Variants in CDK18 observed in about 807,000 individuals in gnomAD.
The protein encoded by CDK18 is cyclin-dependent kinase 18.
Under a neutral mutation model 62.0 loss-of-function variants are expected in CDK18, and 52 were observed. The observed-to-expected ratio is 0.84, with a 90% confidence interval of 0.67 to 1.06. The LOEUF (loss-of-function observed/expected upper bound fraction) is 1.06, where lower values mean the gene tolerates loss of function less well. Ranked by LOEUF, CDK18 falls within the 50% of genes least tolerant of loss-of-function variation. The probability of loss-of-function intolerance (pLI) is 0.00; values close to 1 mark genes in which losing one functional copy is unlikely to be tolerated. For missense variants in CDK18, 604 were observed against 619.9 expected (o/e 0.97, Z 0.27); for synonymous variants, 237 against 247.0 (o/e 0.96, Z 0.38).
Position 205,511,570 on chromosome 1 carries a change from A to G in CDK18, c.-22+6774A>G, listed in dbSNP as rs146040037. ...TATGGAAATATTAGAAGATGCAGAT[A>G]AGCAAAAAGAAGACATTAAAATCAC... On this transcript the variant is annotated intron_variant, in intron 1 of 15. Coordinates refer to ENST00000429964, the MANE Select transcript of CDK18 (RefSeq NM_212502.3). Among the ~76,000 whole-genome samples the G allele has an allele frequency of 1.2e-4, 19 of 152,374 alleles. 2 individuals are homozygous for G. The East Asian group carries it at 3.7e-3, about 29-fold the overall frequency.
At chr1:205,513,877 G>A (rs887557630) in intron 1 of CDK18, among the ~76,000 whole-genome samples, 1 of 152,250 alleles carries the variant, frequency 6.6e-6, no homozygotes, top group Non-Finnish European at 1.5e-5. Flanking sequence ...CACTGGGGGA[G>A]TAATTGCTGG....
chr1:205,514,533 C>A (rs1233827229), intron 1 of CDK18, among the ~76,000 whole-genome samples: 1 of 152,146 alleles, frequency 6.6e-6, no homozygotes, highest in Non-Finnish European at 1.5e-5. Context: ...CCTGGCCTGC[C>A]TGAAAGTGGA....
chr1:205,523,201 CGTTTCTCCCTGTCAGTGCCCCGCACT>C lies in CDK18; in HGVS notation c.36_61del (p.Phe13AspfsTer3), dbSNP rs1558777600. The stretch of plus-strand genomic sequence containing the variant: ...GAACAAGATGAAGAACTTTAAGCGC[CGTTTCTCCCTGTCAGTGCCCCGCACT>C]GAGACCATTGAAGAATCCTTGGCTG... On this transcript the variant is annotated frameshift_variant, in exon 2 of 16. Transcript: ENST00000429964. LOFTEE classifies it high-confidence loss of function. 6.2e-7 allele frequency: 1 copy of C among 1,613,628 alleles called. No homozygotes were observed. Among genetic ancestry groups the C allele is most frequent in the Admixed American group, 1.7e-5 (1 of 59,978 alleles).
chr1:205,522,993 G>GT, intron 1 of CDK18, 154 bp from the exon 2 acceptor site: 3 of 729,818 alleles, frequency 4.1e-6, no homozygotes, highest in East Asian at 2.7e-5. Flanking sequence ...ACCCTCAGAG[G>GT]GGTCAAACTT....
In CDK18 at chr1:205,531,434, G is replaced by A. The variant is rs756079341; in HGVS notation, c.*56G>A. On this transcript the variant is annotated 3_prime_UTR_variant, in exon 16 of 16. Transcript: ENST00000429964. The stretch of plus-strand genomic sequence containing the variant: ...AAGAGATCACATGGAGCACAAATTC[G>A]GGTAGGATGGAGCCTGTGTGGCCCT... 27 of 1,526,058 alleles carry A rather than the reference G, an allele frequency of 1.8e-5. No homozygotes were observed. Among genetic ancestry groups the A allele is most frequent in the Middle Eastern group, 3.4e-4 (2 of 5,936 alleles). 94.5% of individuals were successfully genotyped at this position (1,526,058 alleles called of 1,614,324 possible). A position where few individuals can be genotyped will look rare whatever the true frequency, so the allele number is the denominator to read the frequency against.
intron 1 of CDK18, among the ~76,000 whole-genome samples, chr1:205,510,025 A>T (rs1667491670): frequency 6.6e-6 from 1 of 151,950 alleles, no homozygotes. Flanking sequence ...GGTTGCAGTG[A>T]GCCAGGATTG....
intron 1 of CDK18, 41 bp from the exon 2 acceptor site, chr1:205,523,101 GTTGCC>G: frequency 7.1e-6 from 11 of 1,547,996 alleles, no homozygotes; most frequent in Non-Finnish European, 9.6e-6. Flanking sequence ...ACCTGGACTG[GTTGCC>G]TTGTTCTTTT....
At position 205,523,516 on chromosome 1, in the gene CDK18, C is replaced by G. The variant is rs755913151; in HGVS notation, c.164C>G (p.Pro55Arg). Residue 55 changes from proline to arginine, a missense_variant, in exon 3 of 16, where the codon CCG becomes CGG. Coordinates refer to ENST00000429964, the MANE Select transcript of CDK18 (RefSeq NM_212502.3). ...LQLGPLGRDP[P>R]QECSTFSPTD... ...CTCGGTCCTCTTGGCAGAGACCCCC[C>G]GCAGGAGTGCAGCACCTTCTCCCCA... 8 of 1,605,666 alleles carry G rather than the reference C, an allele frequency of 5.0e-6. No homozygotes were observed. The highest frequency in any genetic ancestry group is 6.8e-6 in the Non-Finnish European group (8 of 1,176,618).
chr1:205,505,822 G>C (rs1667278936), intron 1 of CDK18, among the ~76,000 whole-genome samples: 1 of 152,136 alleles, frequency 6.6e-6, no homozygotes, highest in Non-Finnish European at 1.5e-5. Context: ...GGCAGTCGGG[G>C]TGGGAGGATT....
intron 4 of CDK18, 66 bp from the exon 5 acceptor site, chr1:205,525,073 A>C (rs1288800953): frequency 2.0e-6 from 2 of 1,024,794 alleles, no homozygotes; most frequent in Admixed American, 3.8e-5. Context: ...GAGTTGGGGG[A>C]GGCGTCATGT....
At chr1:205,526,282 T>C in intron 6 of CDK18, 85 bp from the exon 7 acceptor site, 1 of 1,462,282 alleles carries the variant, frequency 6.8e-7, no homozygotes. Context: ...ATTGCTGGAA[T>C]GGGACTCCTG....
intron 1 of CDK18, among the ~76,000 whole-genome samples, chr1:205,518,267 C>G (rs1055696668): frequency 1.3e-5 from 2 of 152,186 alleles, no homozygotes; most frequent in African/African-American, 4.8e-5. Flanking sequence ...GTCCGCACCC[C>G]CCTACCCCTG....
chr1:205,515,915 A>G (rs1159821141), intron 1 of CDK18, among the ~76,000 whole-genome samples: 1 of 152,202 alleles, frequency 6.6e-6, no homozygotes, highest in East Asian at 1.9e-4. Context: ...TGTCCAGAGC[A>G]TCTGTTTGTT....
chr1:205,519,795 G>A (rs1668023021), intron 1 of CDK18, among the ~76,000 whole-genome samples: 1 of 152,004 alleles, frequency 6.6e-6, no homozygotes, highest in Non-Finnish European at 1.5e-5. Context: ...AGAAATGGGG[G>A]GCCTCCTTCC....
chr1:205,510,433 A>G (rs1379173770), intron 1 of CDK18, among the ~76,000 whole-genome samples: 3 of 152,118 alleles, frequency 2.0e-5, no homozygotes, highest in Non-Finnish European at 4.4e-5. Flanking sequence ...TGCCTGCAAC[A>G]TGGGATGAGC....
At chr1:205,518,276 T>A (rs1490775164) in intron 1 of CDK18, among the ~76,000 whole-genome samples, 1 of 152,176 alleles carries the variant, frequency 6.6e-6, no homozygotes. Flanking sequence ...CCCCTACCCC[T>A]GTTAGAAAGT....
At chr1:205,525,443 T>C (rs1277332657) in intron 5 of CDK18, among the ~76,000 whole-genome samples, 1 of 152,132 alleles carries the variant, frequency 6.6e-6, no homozygotes, top group Admixed American at 6.5e-5. Flanking sequence ...ATCCAGTCTT[T>C]TTTTTTTCTG....
At chr1:205,526,937 T>G (rs1575074537) in intron 8 of CDK18, 100 bp downstream of exon 8, 1 of 962,128 alleles carries the variant, frequency 1.0e-6, no homozygotes, top group Non-Finnish European at 1.7e-6. Context: ...GCTGCTGAGG[T>G]GGCTCAGACC....
At position 205,527,484 on chromosome 1, in the gene CDK18, GAAAA is replaced by G; in HGVS notation, c.730-297_730-294del. 60 of 189,338 alleles carry G rather than the reference GAAAA, an allele frequency of 3.2e-4. No individual in the cohort carries two copies. Among genetic ancestry groups the G allele is most frequent in the Non-Finnish European group, 4.3e-4 (42 of 97,808 alleles). The allele number at this position is 189,338 out of a possible 1,614,324, so 11.7% of individuals were successfully genotyped here. On this transcript the variant is annotated intron_variant, in intron 8 of 15. Transcript: ENST00000429964. The surrounding 1 kb of genome is among the most constrained non-coding windows in gnomAD (Gnocchi z 4.1). ...ACAGAGTAAAACCCTGACTCTAAAA[GAAAA>G]AAAAAAAAAAAAGGGATCAAGCACA...
Sources: allele counts gnomAD v4.1 joint callset (sites outside exome capture counted in the v4.1 genomes callset), GRCh38; gene constraint gnomAD v4.1.1; non-coding constraint Gnocchi (gnomAD v3.1); transcripts MANE v1.5; gene names NCBI Gene and HGNC (gene_info 2026-07-23, HGNC 2026-07-21).